The following MTRR variants were observed in gnomAD, a reference collection of about 807,000 sequenced individuals.
MTRR encodes 5-methyltetrahydrofolate-homocysteine methyltransferase reductase, also known as methionine synthase reductase.
A neutral mutation model predicts 79.2 loss-of-function variants in MTRR; 63 were observed. That is an observed-to-expected ratio of 0.80 (90% confidence interval 0.65 to 0.98). The LOEUF is 0.98. Among genes scored for constraint, MTRR ranks in the 50% least tolerant of loss-of-function variants. The pLI is 0.00. For missense variants in MTRR, 895 were observed against 839.6 expected (o/e 1.07, Z -0.82); for synonymous variants, 355 against 313.3 (o/e 1.13, Z -1.41).
intron 11 of MTRR, 146 bp downstream of exon 11, chr5:7,893,059 G>A (rs1737902262): frequency 2.1e-6 from 2 of 932,910 alleles, no homozygotes; most frequent in Non-Finnish European, 3.3e-6. Flanking sequence ...TATTGCAAGA[G>A]CAGAAAACTG....
intron 10 of MTRR, 146 bp from the exon 11 acceptor site, chr5:7,892,581 G>T (rs144858652): frequency 1.4e-5 from 12 of 872,420 alleles, no homozygotes; most frequent in Non-Finnish European, 2.2e-5. Flanking sequence ...TTTTAATTAC[G>T]TAATAATGGC....
At chr5:7,867,946 A>G (rs149819178), upstream of MTRR, 567 of 1,614,166 alleles carry the variant, frequency 3.5e-4, 1 homozygote, top group Middle Eastern at 8.2e-4. Flanking sequence ...GTTGTCGTGA[A>G]CACAACCAAG....
rs770060665 is a variant in MTRR at position 7,878,196 on chromosome 5, T to G, written c.654T>G (p.Asn218Lys). The change falls in exon 5 of 15, where the codon AAT becomes AAG. Residue 218 changes from asparagine to lysine, a missense_variant. By Grantham distance (94) the Asn-to-Lys change is moderately conservative. Transcript: ENST00000440940. ...ATGCAGTGAACAGCAACCAATCCAA[T>G]GTTGTAATTGAAGACTTTGAGTCCT... The part of the protein sequence containing the change: ...KQNAVNSNQS[N>K]VVIEDFESSL... 7.4e-6 allele frequency: 12 copies of G among 1,614,098 alleles called. No homozygotes were observed. The Admixed American group carries it at 2.0e-4, about 27-fold the overall frequency.
upstream of MTRR, chr5:7,869,071 G>A: frequency 6.3e-7 from 1 of 1,581,804 alleles, no homozygotes; most frequent in Non-Finnish European, 8.7e-7. Context: ...CACGACTCAG[G>A]GCGGCGCAAT....
At chr5:7,893,733 A>C (rs1471096666) in intron 11 of MTRR, 1 of 152,186 alleles carries the variant, frequency 6.6e-6, no homozygotes, top group Admixed American at 6.5e-5. Context: ...TGGTTTCTTT[A>C]TTAGAGTTGA....
At chr5:7,854,616 A>T (rs1340372109) in intron 1 of MTRR, among the ~76,000 whole-genome samples, 1 of 152,198 alleles carries the variant, frequency 6.6e-6, no homozygotes, top group African/African-American at 2.4e-5. Context: ...TAAAACTATC[A>T]GATCTCATGA....
At chr5:7,865,630 A>G (rs556778358), upstream of MTRR, among the ~76,000 whole-genome samples, 18 of 152,344 alleles carry the variant, frequency 1.2e-4, no homozygotes, top group South Asian at 3.5e-3. Flanking sequence ...TAAAACCTTC[A>G]GAGAGAATGG....
At chr5:7,898,349 C>T (rs1204380389) in intron 14 of MTRR, among the ~76,000 whole-genome samples, 1 of 152,116 alleles carries the variant, frequency 6.6e-6, no homozygotes, top group Admixed American at 6.5e-5. Flanking sequence ...GATATCTGGT[C>T]ATTGAGAACT....
At chr5:7,869,618 C>T (rs950846202) in intron 1 of MTRR, 13 of 247,044 alleles carry the variant, frequency 5.3e-5, no homozygotes, top group Non-Finnish European at 1.6e-5. Flanking sequence ...CCCGGCGGGA[C>T]GCGGCCGTGA....
chr5:7,881,790 C>T (rs373296943), intron 5 of MTRR, among the ~76,000 whole-genome samples: 4 of 152,018 alleles, frequency 2.6e-5, no homozygotes, highest in South Asian at 4.2e-4. Flanking sequence ...TTAGCAGTAG[C>T]CCCCCAAGTC....
chr5:7,861,696 C>A lies in MTRR; in HGVS notation n.392-255C>A, dbSNP rs377694398. On this transcript the variant is annotated intron_variant and non_coding_transcript_variant, in intron 1 of 3. Coordinates refer to the MTRR transcript ENST00000502509. ...AAAAATTCCTCGTGTGATACCCTCACAAACACTATCTTCCTGTATTCATTC... is the reference window on the plus strand; with the variant it reads ...AAAAATTCCTCGTGTGATACCCTCAAAAACACTATCTTCCTGTATTCATTC... 32 of 1,585,044 alleles carry A rather than the reference C, an allele frequency of 2.0e-5. No homozygotes were observed. In the African/African-American group the frequency reaches 2.4e-4, roughly 12 times the overall value.
Position 7,892,822 on chromosome 5 carries a change from G to A in MTRR, c.1466G>A (p.Cys489Tyr). 6.2e-7 allele frequency: 1 copy of A among 1,614,210 alleles called. No individual in the cohort carries two copies. The highest frequency in any genetic ancestry group is 8.5e-7 in the Non-Finnish European group (1 of 1,180,040). Residue 489 changes from cysteine to tyrosine, a missense_variant, in exon 11 of 15, where the codon TGT becomes TAT. Coordinates refer to ENST00000440940, the MANE Select transcript of MTRR (RefSeq NM_002454.3). ...ACAGAGGTTCTGCGGAAGGGAGTAT[G>A]TACAGGCTGGCTGGCCTTGTTGGTT... ...ATTEVLRKGV[C>Y]TGWLALLVAS... is the part of the protein sequence containing the mutation.
intron 1 of MTRR, chr5:7,870,076 C>T (rs1747658093): frequency 1.0e-6 from 1 of 984,980 alleles, no homozygotes; most frequent in Non-Finnish European, 1.2e-6. Flanking sequence ...GTTTGTTTTA[C>T]TACTGCTTAT....
intron 5 of MTRR, among the ~76,000 whole-genome samples, chr5:7,879,769 G>A (rs993154522): frequency 7.2e-5 from 11 of 152,150 alleles, no homozygotes; most frequent in Non-Finnish European, 1.3e-4. Flanking sequence ...TCTCCATATG[G>A]TACCTTTCTG....
chr5:7,868,513 T>A (rs1250820941), upstream of MTRR, among the ~76,000 whole-genome samples: 1 of 152,104 alleles, frequency 6.6e-6, no homozygotes, highest in Non-Finnish European at 1.5e-5. Flanking sequence ...AGGAAGAAAT[T>A]GCATTTGGAT....
chr5:7,873,413 T>C lies in MTRR; in HGVS notation c.170T>C (p.Val57Ala), dbSNP rs745929848. 3 of 1,614,034 alleles carry C rather than the reference T, an allele frequency of 1.9e-6. No individual in the cohort carries two copies. In the African/African-American group the frequency reaches 4.0e-5, roughly 22 times the overall value. ...KTETAPLVVV[V>A]STTGTGDPPD... ...GAAACAGCTCCTCTTGTTGTTGTGG[T>C]TTCTACCACGGGCACCGGAGACCCA... The change falls in exon 3 of 15, where the codon GTT (valine) becomes GCT (alanine). Residue 57 changes from valine to alanine, a missense_variant. Coordinates refer to ENST00000440940, the MANE Select transcript of MTRR (RefSeq NM_002454.3).
exon 1 of MTRR, chr5:7,851,548 A>G (rs1746079675): frequency 6.6e-6 from 1 of 152,514 alleles, no homozygotes; most frequent in Non-Finnish European, 1.5e-5. Flanking sequence ...CAATAGAAAC[A>G]TGATGAGAGC....
chr5:7,850,999 G>C (rs1036835667), upstream of MTRR: 3 of 1,283,840 alleles, frequency 2.3e-6, no homozygotes, highest in Non-Finnish European at 3.0e-6. Context: ...GGACGCGGTG[G>C]TCTCCTCCTC....
intron 5 of MTRR, among the ~76,000 whole-genome samples, chr5:7,882,442 C>T (rs1041597424): frequency 6.6e-6 from 1 of 152,112 alleles, no homozygotes; most frequent in Non-Finnish European, 1.5e-5. Context: ...ATTATGGCTC[C>T]CAGACACCCA....
Sources: allele counts gnomAD v4.1 joint callset (sites outside exome capture counted in the v4.1 genomes callset), GRCh38; gene constraint gnomAD v4.1.1; transcripts MANE v1.5; gene names NCBI Gene and HGNC (gene_info 2026-07-23, HGNC 2026-07-21).